Variants in SUGCT observed in about 807,000 individuals in gnomAD.
SUGCT encodes the protein succinyl-CoA:glutarate CoA-transferase.
Under a neutral mutation model 55.0 loss-of-function variants are expected in SUGCT, and 41 were observed. The observed-to-expected ratio is 0.74, with a 90% confidence interval of 0.58 to 0.97. The LOEUF is 0.97. Among genes scored for constraint, SUGCT ranks in the 50% least tolerant of loss-of-function variants. SUGCT has a pLI of 0.00. For missense variants in SUGCT, 568 were observed against 547.8 expected (o/e 1.04, Z -0.37); for synonymous variants, 187 against 200.4 (o/e 0.93, Z 0.56).
intron 13 of SUGCT, among the ~76,000 whole-genome samples, chr7:40,762,274 T>C (rs550602454): frequency 6.6e-6 from 1 of 152,336 alleles, no homozygotes; most frequent in South Asian, 2.1e-4. Flanking sequence ...CAATTGTTCG[T>C]ACTCTAGCTT....
intron 1 of SUGCT, among the ~76,000 whole-genome samples, chr7:40,169,833 G>A (rs1298788919): frequency 2.0e-5 from 3 of 151,934 alleles, no homozygotes; most frequent in East Asian, 3.9e-4. Flanking sequence ...GGGTTTCTAA[G>A]TTTTGCTCCG....
intron 13 of SUGCT, among the ~76,000 whole-genome samples, chr7:40,762,071 T>A (rs1217609313): frequency 1.3e-5 from 2 of 152,186 alleles, no homozygotes; most frequent in Admixed American, 1.3e-4. Flanking sequence ...CAGAAGAGCT[T>A]CATTTGACAA....
intron 6 of SUGCT, among the ~76,000 whole-genome samples, chr7:40,236,014 A>G (rs1788987661): frequency 1.3e-5 from 2 of 151,978 alleles, no homozygotes; most frequent in African/African-American, 4.8e-5. Context: ...AAGGATTTGG[A>G]GACAAATTTA....
At chr7:40,938,316 C>A in the SUGCT span, among the ~76,000 whole-genome samples, 1 of 151,358 alleles carries the variant, frequency 6.6e-6, no homozygotes, top group Non-Finnish European at 1.5e-5. Context: ...CCTGTTCCTT[C>A]GTTACTGCCT....
At chr7:41,001,006 C>A in the SUGCT span, among the ~76,000 whole-genome samples, 1 of 152,134 alleles carries the variant, frequency 6.6e-6, no homozygotes, top group Non-Finnish European at 1.5e-5. Flanking sequence ...CTTGCTGTGG[C>A]AGTTTCAGTT....
chr7:40,998,345 T>G, the SUGCT span, among the ~76,000 whole-genome samples: 1 of 151,802 alleles, frequency 6.6e-6, no homozygotes, highest in Non-Finnish European at 1.5e-5. Flanking sequence ...GCACTCCAGC[T>G]TGGGCGACAG....
At chr7:40,830,240 C>T (rs1260400736) in intron 13 of SUGCT, among the ~76,000 whole-genome samples, 1 of 152,164 alleles carries the variant, frequency 6.6e-6, no homozygotes, top group African/African-American at 2.4e-5. Context: ...CTCCATGTGG[C>T]TTTTCACAAT....
intron 13 of SUGCT, among the ~76,000 whole-genome samples, chr7:40,760,002 T>G (rs935215116): frequency 6.6e-6 from 1 of 152,202 alleles, no homozygotes; most frequent in African/African-American, 2.4e-5. Flanking sequence ...CTAGTTGTAC[T>G]GTTTTCACAC....
intron 6 of SUGCT, among the ~76,000 whole-genome samples, chr7:40,233,181 A>T (rs912778209): frequency 7.2e-5 from 11 of 151,882 alleles, no homozygotes; most frequent in Non-Finnish European, 1.5e-4. Flanking sequence ...ATGTGGAATA[A>T]TTTTTGACTC....
the SUGCT span, among the ~76,000 whole-genome samples, chr7:40,950,804 A>G: frequency 6.6e-6 from 1 of 152,208 alleles, no homozygotes; most frequent in Non-Finnish European, 1.5e-5. Flanking sequence ...CCAGGGATGA[A>G]GCCCACTTGA....
At chr7:40,360,720 A>G (rs528187166) in intron 9 of SUGCT, among the ~76,000 whole-genome samples, 2 of 152,216 alleles carry the variant, frequency 1.3e-5, no homozygotes, top group African/African-American at 2.4e-5. Context: ...GGAGCAGTGA[A>G]TATAACTGGA....
chr7:40,832,978 C>T (rs1431273388), intron 13 of SUGCT, among the ~76,000 whole-genome samples: 1 of 151,882 alleles, frequency 6.6e-6, no homozygotes, highest in East Asian at 1.9e-4. Context: ...CGGGCCTCTT[C>T]CACTCCTACT....
At chr7:40,550,501 G>C (rs1795241883) in intron 12 of SUGCT, among the ~76,000 whole-genome samples, 1 of 152,168 alleles carries the variant, frequency 6.6e-6, no homozygotes, top group Non-Finnish European at 1.5e-5. Flanking sequence ...ATCAAGAACT[G>C]TTTATGCCTG....
At chr7:40,343,185 A>G (rs182893799) in intron 9 of SUGCT, among the ~76,000 whole-genome samples, 2 of 152,328 alleles carry the variant, frequency 1.3e-5, no homozygotes, top group Admixed American at 1.3e-4. Flanking sequence ...TTAAAATGTC[A>G]TCCTAATTTA....
the SUGCT span, among the ~76,000 whole-genome samples, chr7:40,945,218 A>G: frequency 6.6e-6 from 1 of 152,006 alleles, no homozygotes; most frequent in African/African-American, 2.4e-5. Flanking sequence ...AGGTCTTTTT[A>G]GGGGGAAAGG....
At chr7:40,908,659 A>T in the SUGCT span, among the ~76,000 whole-genome samples, 3 of 152,248 alleles carry the variant, frequency 2.0e-5, no homozygotes, top group East Asian at 5.8e-4. Flanking sequence ...ACCATATAAT[A>T]TAAAAAATAT....
the SUGCT span, among the ~76,000 whole-genome samples, chr7:40,900,315 T>C: frequency 6.6e-6 from 1 of 152,226 alleles, no homozygotes; most frequent in African/African-American, 2.4e-5. Context: ...AATTGTGAAG[T>C]TGATTGCCTG....
At chr7:40,917,004 A>G in the SUGCT span, among the ~76,000 whole-genome samples, 5 of 152,186 alleles carry the variant, frequency 3.3e-5, no homozygotes, top group Non-Finnish European at 7.4e-5. Flanking sequence ...CAGGAACTGA[A>G]TATGTTAAGT....
chr7:40,244,404 G>A (rs890687638), intron 7 of SUGCT, among the ~76,000 whole-genome samples: 4 of 152,138 alleles, frequency 2.6e-5, no homozygotes, highest in Non-Finnish European at 4.4e-5. Context: ...TCACAGAGGC[G>A]CTGAGAGTTA....
Sources: gnomAD v4.1 joint callset for allele counts (sites outside exome capture counted in the v4.1 genomes callset) on GRCh38, gnomAD v4.1.1 for gene constraint, MANE v1.5 for transcripts, NCBI Gene and HGNC (gene_info 2026-07-23, HGNC 2026-07-21) for gene names.